Variants in GALNT17 observed in about 807,000 individuals in gnomAD.
GALNT17 encodes polypeptide N-acetylgalactosaminyltransferase 17.
GALNT17 carries 29 observed loss-of-function variants against 63.7 expected under a neutral mutation model. The ratio of observed to expected loss-of-function variants is 0.46; its 90% CI spans 0.34 to 0.62. GALNT17 has a LOEUF of 0.62. Ranked by LOEUF, GALNT17 falls within the 20% of genes least tolerant of loss-of-function variation. GALNT17 has a pLI of 0.01. For synonymous variants in GALNT17, 305 were observed against 318.3 expected (o/e 0.96, Z 0.45); for missense variants, 603 against 799.6 (o/e 0.75, Z 2.97).
intron 6 of GALNT17, among the ~76,000 whole-genome samples, chr7:71,629,175 T>C (rs1316539491): frequency 6.6e-6 from 1 of 151,604 alleles, no homozygotes; most frequent in East Asian, 2.0e-4. Context: ...ATGGCACCTG[T>C]GGAGTGGCCA....
chr7:71,366,521 C>A (rs1275661449), intron 2 of GALNT17, among the ~76,000 whole-genome samples: 1 of 152,118 alleles, frequency 6.6e-6, no homozygotes, highest in Admixed American at 6.6e-5. Context: ...GCGGAGGTTG[C>A]AGTGAGCTGA....
chr7:71,602,291 T>A (rs59026100), intron 6 of GALNT17, among the ~76,000 whole-genome samples: 41,093 of 152,094 alleles, frequency 0.27, 5,756 homozygotes, highest in African/African-American at 0.29. Flanking sequence ...CCCCAAATGT[T>A]GGCTCTTTTT....
intron 5 of GALNT17, among the ~76,000 whole-genome samples, chr7:71,562,698 C>T (rs1437152623): frequency 6.6e-6 from 1 of 152,182 alleles, no homozygotes; most frequent in Admixed American, 6.5e-5. Context: ...ACTCACTTGC[C>T]TGCCACTCAC....
intron 1 of GALNT17, among the ~76,000 whole-genome samples, chr7:71,195,788 A>G (rs970431651): frequency 2.6e-5 from 4 of 152,020 alleles, no homozygotes; most frequent in Admixed American, 6.6e-5. Context: ...AGCTCAAGCA[A>G]TCCTCCCACC....
chr7:71,166,084 A>T (rs1179571862), intron 1 of GALNT17, among the ~76,000 whole-genome samples: 1 of 152,192 alleles, frequency 6.6e-6, no homozygotes, highest in Non-Finnish European at 1.5e-5. Flanking sequence ...TGTGCTTTGC[A>T]GAGTTTTTGT....
chr7:71,437,472 C>T (rs1403052056), intron 5 of GALNT17, among the ~76,000 whole-genome samples: 5 of 152,186 alleles, frequency 3.3e-5, no homozygotes, highest in African/African-American at 9.7e-5. Context: ...TCATGATCAA[C>T]TTTATCACTT....
intron 5 of GALNT17, among the ~76,000 whole-genome samples, chr7:71,468,822 T>A (rs896781315): frequency 6.6e-6 from 1 of 152,152 alleles, no homozygotes; most frequent in Non-Finnish European, 1.5e-5. Context: ...CATTCCTTCT[T>A]CTTGTAGAGT....
chr7:71,572,399 G>A (rs1321565315), intron 6 of GALNT17, among the ~76,000 whole-genome samples: 1 of 148,246 alleles, frequency 6.7e-6, no homozygotes, highest in Non-Finnish European at 1.5e-5. Context: ...CTACTCAGGA[G>A]GCTGAAGCAA....
chr7:71,526,954 CA>C (rs1394986105), intron 5 of GALNT17, among the ~76,000 whole-genome samples: 2 of 152,230 alleles, frequency 1.3e-5, no homozygotes, highest in African/African-American at 2.4e-5. Flanking sequence ...GTCTGCATCA[CA>C]ACTATCATTT....
At position 71,488,433 on chromosome 7, in the gene GALNT17, G is replaced by A. The variant is rs145628704; in HGVS notation, c.962+67328G>A. ...TCACCTTCTGCACAGTGAGCAGAAT[G>A]GGACCCCGTTGCTCATTAGAAACAC... On this transcript the variant is annotated intron_variant, in intron 5 of 10. Coordinates refer to ENST00000333538, the MANE Select transcript of GALNT17 (RefSeq NM_022479.3). Among the ~76,000 whole-genome samples the A allele has an allele frequency of 2.0e-3, 305 of 152,186 alleles. 1 individual carries two copies. The highest frequency in any genetic ancestry group is 6.6e-3 in the African/African-American group (275 of 41,536).
chr7:71,363,931 A>G (rs1792453600), intron 2 of GALNT17, among the ~76,000 whole-genome samples: 1 of 152,206 alleles, frequency 6.6e-6, no homozygotes, highest in Admixed American at 6.5e-5. Flanking sequence ...ATATCCAGTA[A>G]GGTTACAGTC....
intron 5 of GALNT17, among the ~76,000 whole-genome samples, chr7:71,539,710 T>C (rs1788856643): frequency 1.5e-5 from 2 of 129,372 alleles, no homozygotes; most frequent in South Asian, 5.4e-4. Context: ...GTCCCACCTT[T>C]TTTTTTTTTT....
intron 9 of GALNT17, among the ~76,000 whole-genome samples, chr7:71,700,464 G>A (rs1254207886): frequency 6.6e-6 from 1 of 152,070 alleles, no homozygotes; most frequent in Non-Finnish European, 1.5e-5. Context: ...AGACAGTGTG[G>A]TCAGCCTAAA....
intron 5 of GALNT17, among the ~76,000 whole-genome samples, chr7:71,548,882 T>G (rs549504897): frequency 1.4e-4 from 22 of 152,342 alleles, no homozygotes; most frequent in Admixed American, 5.2e-4. Context: ...GTGTTACATC[T>G]CCATGTCATT....
chr7:71,388,808 T>C (rs1792998574), intron 3 of GALNT17, among the ~76,000 whole-genome samples: 1 of 151,750 alleles, frequency 6.6e-6, no homozygotes, highest in South Asian at 2.1e-4. Flanking sequence ...ATTACAGGAG[T>C]GTGCCACCGT....
At chr7:71,227,514 C>T (rs1789702983) in intron 1 of GALNT17, among the ~76,000 whole-genome samples, 2 of 152,108 alleles carry the variant, frequency 1.3e-5, no homozygotes, top group South Asian at 4.1e-4. Context: ...TTCATGGACA[C>T]ACAATTTGGA....
At chr7:71,453,753 C>G (rs929776029) in intron 5 of GALNT17, among the ~76,000 whole-genome samples, 2 of 152,204 alleles carry the variant, frequency 1.3e-5, no homozygotes, top group Non-Finnish European at 2.9e-5. Flanking sequence ...GCCACATGTT[C>G]AGGATGCTGT....
chr7:71,662,708 AT>A (rs1790927059), intron 6 of GALNT17, among the ~76,000 whole-genome samples: 1 of 151,978 alleles, frequency 6.6e-6, no homozygotes, highest in African/African-American at 2.4e-5. Context: ...TCAACATTTC[AT>A]TTTTTTCCCA....
chr7:71,419,592 C>T (rs568203135), intron 4 of GALNT17, among the ~76,000 whole-genome samples: 50 of 152,246 alleles, frequency 3.3e-4, no homozygotes, highest in African/African-American at 7.7e-4. Context: ...AGAACTCCCA[C>T]GGGAGAGGTG....
Sources: gnomAD v4.1 joint callset for allele counts (sites outside exome capture counted in the v4.1 genomes callset) on GRCh38, gnomAD v4.1.1 for gene constraint, MANE v1.5 for transcripts, NCBI Gene and HGNC (gene_info 2026-07-23, HGNC 2026-07-21) for gene names.